The following ITGA7 variants were observed in gnomAD, a reference collection of about 807,000 sequenced individuals.
ITGA7 encodes the protein integrin alpha-7.
In ITGA7, 84 loss-of-function variants were observed where a neutral mutation model predicts 131.6. The observed-to-expected ratio is 0.64, with a 90% confidence interval of 0.54 to 0.77. The LOEUF is 0.77. Ranked by LOEUF, ITGA7 falls within the 30% of genes least tolerant of loss-of-function variation. The pLI is 0.00. For synonymous variants in ITGA7, 548 were observed against 600.7 expected, an observed-to-expected ratio of 0.91 and a Z score of 1.28; for missense variants, 1,399 against 1,482.9, an observed-to-expected ratio of 0.94 and a Z score of 0.93.
At chr12:55,711,749 C>T (rs372925923), upstream of ITGA7, among the ~76,000 whole-genome samples, 5 of 152,158 alleles carry the variant, frequency 3.3e-5, no homozygotes, top group Non-Finnish European at 7.4e-5. Context: ...AAATTTTAGA[C>T]GTTGAGAAAT....
upstream of ITGA7, chr12:55,716,331 T>C: frequency 2.7e-6 from 4 of 1,483,852 alleles, no homozygotes; most frequent in Non-Finnish European, 3.6e-6. Flanking sequence ...GGAGAGGGAA[T>C]TTCAGAGAGG....
intron 24 of ITGA7, chr12:55,686,314 A>G: frequency 7.5e-7 from 1 of 1,332,422 alleles, no homozygotes; most frequent in South Asian, 1.2e-5. Flanking sequence ...AAGAAGCCAC[A>G]CTAGGATGTC....
At position 55,707,696 on chromosome 12, in the gene ITGA7, C is replaced by A; in HGVS notation, c.-14G>T. ...AGCCCCGGCCATGGGACGATCCCTG[C>A]GCGAGCTCCCAGCGAATGCAAGGGA... On this transcript the variant is annotated 5_prime_UTR_variant, in exon 1 of 25. Coordinates refer to ENST00000257879, the MANE Select transcript of ITGA7 (RefSeq NM_002206.3). 1 of 1,560,792 alleles carries A rather than the reference C, an allele frequency of 6.4e-7. No individual in the cohort carries two copies. The highest frequency in any genetic ancestry group is 1.4e-5 in the African/African-American group (1 of 73,564).
At position 55,707,840 on chromosome 12, in the gene ITGA7, CT is replaced by C; in HGVS notation, c.-159del. 6.9e-7 allele frequency: 1 copy of C among 1,456,740 alleles called. No homozygotes were observed. The highest frequency in any genetic ancestry group is 9.1e-7 in the Non-Finnish European group (1 of 1,100,978). The allele number at this position is 1,456,740 out of a possible 1,614,324, so 90.2% of individuals were successfully genotyped here. A position where few individuals can be genotyped will look rare whatever the true frequency, so the allele number is the denominator to read the frequency against. The stretch of plus-strand genomic sequence containing the variant: ...CGCCAGCCCTCCCGCCCGCCCGCCG[CT>C]CCGCCACCCCGCCGCCCCAGCACCG... On this transcript the variant is annotated 5_prime_UTR_variant, in exon 1 of 25. Coordinates refer to ENST00000257879, the MANE Select transcript of ITGA7 (RefSeq NM_002206.3).
intron 3 of ITGA7, 42 bp from the exon 4 acceptor site, chr12:55,701,196 A>G (rs1326634840): frequency 1.2e-6 from 2 of 1,613,970 alleles, no homozygotes; most frequent in Admixed American, 1.7e-5. Flanking sequence ...TCTGTGGGCC[A>G]GGGACCTGCT....
At chr12:55,692,762 C>G (rs1036936717) in intron 21 of ITGA7, 82 bp downstream of exon 21, 8 of 1,511,034 alleles carry the variant, frequency 5.3e-6, no homozygotes, top group Non-Finnish European at 7.2e-6. Context: ...TGCACCCAGA[C>G]CATCATGTGT....
upstream of ITGA7, chr12:55,716,086 T>C (rs746666462): frequency 2.5e-6 from 4 of 1,582,286 alleles, no homozygotes; most frequent in Admixed American, 7.3e-5. Context: ...CGTTCCAGCT[T>C]CCGGAGCCGG....
At chr12:55,711,768 C>A (rs2136120606), upstream of ITGA7, among the ~76,000 whole-genome samples, 1 of 152,316 alleles carries the variant, frequency 6.6e-6, no homozygotes, top group Admixed American at 6.5e-5. Flanking sequence ...ATGTCCAGAT[C>A]CAGCCAAGAT....
At chr12:55,690,468 A>C (rs915873537) in intron 21 of ITGA7, among the ~76,000 whole-genome samples, 1 of 147,618 alleles carries the variant, frequency 6.8e-6, no homozygotes, top group African/African-American at 2.5e-5. Flanking sequence ...AAAGTCAGGA[A>C]ACAACAGGTG....
At chr12:55,716,031 G>A (rs1471112733), upstream of ITGA7, 2 of 1,538,074 alleles carry the variant, frequency 1.3e-6, no homozygotes, top group South Asian at 2.4e-5. Context: ...CCAACCTCAC[G>A]TGACACAGCG....
chr12:55,699,489 T>A (rs1873468552), intron 5 of ITGA7: 1 of 317,922 alleles, frequency 3.1e-6, no homozygotes, highest in Admixed American at 4.5e-5. Context: ...GGAATGCAGA[T>A]GAGACAACGA....
rs1422586855 is a variant in ITGA7 at position 55,688,902 on chromosome 12, A to G, written c.2900T>C (p.Phe967Ser). 6.2e-7 allele frequency: 1 copy of G among 1,614,032 alleles called. No homozygotes were observed. Among genetic ancestry groups the G allele is most frequent in the South Asian group, 1.1e-5 (1 of 91,076 alleles). Reference sequence around the variant, plus strand: ...GACATGCAGCACAGCCGCGCGGTCAAAGCTGTAGAGTGGGCAGCTGAACAC... The same window carrying G: ...GACATGCAGCACAGCCGCGCGGTCAGAGCTGTAGAGTGGGCAGCTGAACAC... ...CVVFSCPLYS[F>S]DRAAVLHVWG... The change falls in exon 22 of 25, where the codon TTT (phenylalanine) becomes TCT (serine). Residue 967 changes from phenylalanine to serine, a missense_variant. Transcript: ENST00000257879.
Position 55,695,709 on chromosome 12 carries a change from T to C in ITGA7, c.1888-72A>G, listed in dbSNP as rs1299419024. The stretch of plus-strand genomic sequence containing the variant: ...GGGGCAAACCTGTCACCATGGCATA[T>C]GGTGGGTTAGAGTATCACAGGATTA... On this transcript the variant is annotated intron_variant, in intron 13 of 24. Transcript: ENST00000257879. 8.9e-6 allele frequency: 9 copies of C among 1,012,650 alleles called. No individual in the cohort carries two copies. The East Asian group carries it at 1.9e-4, about 21-fold the overall frequency. The allele number at this position is 1,012,650 out of a possible 1,614,324, so 62.7% of individuals were successfully genotyped here.
chr12:55,701,973 TAG>T lies in ITGA7; in HGVS notation c.415-821_415-820del, dbSNP rs148089212. Among the ~76,000 whole-genome samples the T allele has an allele frequency of 6.7e-3, 1,003 of 150,798 alleles. 11 individuals are homozygous for T. The highest frequency in any genetic ancestry group is 0.023 in the African/African-American group (955 of 41,290). On this transcript the variant is annotated intron_variant, in intron 3 of 24. Coordinates refer to ENST00000257879, the MANE Select transcript of ITGA7 (RefSeq NM_002206.3). ...TGTATCTATGCGTGTTACTGAAAGATAGAGAGAGAGAGAGAAACAGAGAGCTC... is the reference window on the plus strand; with the variant it reads ...TGTATCTATGCGTGTTACTGAAAGATAGAGAGAGAGAGAAACAGAGAGCTC...
Position 55,693,166 on chromosome 12 carries a change from G to A in ITGA7, c.2687C>T (p.Ser896Phe). 6.2e-7 allele frequency: 1 copy of A among 1,613,964 alleles called. No homozygotes were observed. Among genetic ancestry groups the A allele is most frequent in the African/African-American group, 1.3e-5 (1 of 74,974 alleles). Reference protein sequence around the residue: ...GQGPGQKGLCSPRPNILHLDV... With the variant: ...GQGPGQKGLCFPRPNILHLDV... Reference sequence around the variant, plus strand: ...CAGGTGGAGGATGTTGGGCCTGGGAGAGCAAAGCCCTTTCTGCCCAGGCCC... The same window carrying A: ...CAGGTGGAGGATGTTGGGCCTGGGAAAGCAAAGCCCTTTCTGCCCAGGCCC... Residue 896 changes from serine (S) to phenylalanine (F), a missense_variant, in exon 20 of 25, where the codon TCT becomes TTT. Transcript: ENST00000257879.
chr12:55,701,272 CA>C, intron 3 of ITGA7, 118 bp from the exon 4 acceptor site: 1 of 1,566,362 alleles, frequency 6.4e-7, no homozygotes, highest in South Asian at 1.1e-5. Context: ...CATGCACATG[CA>C]CATGCACACA....
Position 55,696,303 on chromosome 12 carries a change from G to A in ITGA7, c.1867C>T (p.Pro623Ser). ...CTCACCTCTGCCCGCTGGGTGCTGG[G>A]CTGGTGGGCATTGAGGATGGGGGCC... The part of the protein sequence containing the change: ...PVAPILNAHQ[P>S]STQRAEIHFL... Residue 623 changes from proline (P) to serine (S), a missense_variant, in exon 13 of 25, where the codon CCC becomes TCC. Physicochemically the swap from Pro to Ser is moderately conservative, Grantham distance 74 (BLOSUM62 -1). Transcript: ENST00000257879. The A allele has an allele frequency of 1.3e-6, 2 of 1,578,982 alleles. No homozygotes were observed. The highest frequency in any genetic ancestry group is 1.7e-6 in the Non-Finnish European group (2 of 1,161,622).
chr12:55,696,195 T>G, intron 13 of ITGA7, 88 bp downstream of exon 13: 761 of 1,380,226 alleles, frequency 5.5e-4, no homozygotes, highest in Non-Finnish European at 6.8e-4. Flanking sequence ...AAGGGCTCTG[T>G]GAGCTGTGAA....
chr12:55,700,566 C>T, intron 4 of ITGA7: 4 of 719,092 alleles, frequency 5.6e-6, no homozygotes, highest in Admixed American at 5.7e-5. Context: ...TCACACTCAC[C>T]GAGTGTCAGC....
Sources: allele counts gnomAD v4.1 joint callset (sites outside exome capture counted in the v4.1 genomes callset), GRCh38; gene constraint gnomAD v4.1.1; transcripts MANE v1.5; gene names NCBI Gene and HGNC (gene_info 2026-07-23, HGNC 2026-07-21).